PCDHA6: variants seen among roughly 807,000 people sequenced by gnomAD.
PCDHA6 encodes the protein protocadherin alpha-6.
A neutral mutation model predicts 60.3 loss-of-function variants in PCDHA6; 55 were observed. The ratio of observed to expected loss-of-function variants is 0.91; its 90% confidence interval spans 0.73 to 1.14. PCDHA6 has a LOEUF of 1.14. Among genes scored for constraint, PCDHA6 ranks in the 50% most tolerant of loss-of-function variants. The pLI, the probability that PCDHA6 is intolerant of heterozygous loss-of-function variation, is 0.00. For synonymous variants in PCDHA6, 652 were observed against 557.9 expected (o/e 1.17, Z -2.38); for missense variants, 1,327 against 1,256.5 (o/e 1.06, Z -0.85).
At chr5:140,890,237 A>G (rs1554184228) in intron 1 of PCDHA6, among the ~76,000 whole-genome samples, 1 of 152,154 alleles carries the variant, frequency 6.6e-6, no homozygotes, top group East Asian at 1.9e-4. Flanking sequence ...TTAAGCATTT[A>G]CCAGTACACT....
intron 1 of PCDHA6, chr5:140,836,329 T>C: frequency 6.2e-7 from 1 of 1,613,654 alleles, no homozygotes; most frequent in Non-Finnish European, 8.5e-7. Context: ...CGCCTTCTGG[T>C]GCTTGTGAAG....
intron 3 of PCDHA6, among the ~76,000 whole-genome samples, chr5:140,999,595 C>T (rs1232390404): frequency 1.3e-5 from 2 of 152,148 alleles, no homozygotes; most frequent in East Asian, 3.9e-4. Flanking sequence ...GCCTTCCCTA[C>T]ATCCTGGGGG....
rs2150227697 is a variant in PCDHA6 at position 140,834,836 on chromosome 5, G to C, written c.2394+4351G>C. The C allele has an allele frequency of 8.1e-6, 13 of 1,611,678 alleles. No individual in the cohort carries two copies. In the African/African-American group the frequency reaches 9.4e-5, roughly 12 times the overall value. Reference sequence around the variant, plus strand: ...CGGAATCCAGGCCGCTTGACTCTCGGTTTCCACTAGAGGGCGCGTCCGATG... The same window carrying C: ...CGGAATCCAGGCCGCTTGACTCTCGCTTTCCACTAGAGGGCGCGTCCGATG... On this transcript the variant is annotated intron_variant, in intron 1 of 3. Coordinates refer to ENST00000529310, the MANE Select transcript of PCDHA6 (RefSeq NM_018909.4).
At chr5:140,895,206 AT>A (rs2064913908) in intron 1 of PCDHA6, among the ~76,000 whole-genome samples, 1 of 151,808 alleles carries the variant, frequency 6.6e-6, no homozygotes, top group Non-Finnish European at 1.5e-5. Flanking sequence ...ATTTGCTTTT[AT>A]TTCTAATATT....
intron 1 of PCDHA6, chr5:140,870,475 G>A (rs1554164304): frequency 1.2e-6 from 2 of 1,614,096 alleles, no homozygotes; most frequent in Admixed American, 1.7e-5. Context: ...CGCACAGCCC[G>A]AGTACACCGT....
intron 1 of PCDHA6, among the ~76,000 whole-genome samples, chr5:140,947,713 T>G (rs1252298380): frequency 6.6e-6 from 1 of 151,618 alleles, no homozygotes; most frequent in African/African-American, 2.4e-5. Flanking sequence ...AGTATTGAGG[T>G]TTCAAAAGTT....
chr5:141,006,448 C>T lies in PCDHA6; in HGVS notation c.2543-3179C>T, dbSNP rs968765348. ...CAGGATGGTCTCAATCTCCTGACCT[C>T]GAGATCTGCCTGTCTCGGCCTCCCA... On this transcript the variant is annotated intron_variant, in intron 3 of 3. Coordinates refer to ENST00000529310, the MANE Select transcript of PCDHA6 (RefSeq NM_018909.4). Among the ~76,000 whole-genome samples, 4 of 152,122 alleles carry T rather than the reference C, an allele frequency of 2.6e-5. No homozygotes were observed. In the East Asian group the frequency reaches 7.7e-4, roughly 29 times the overall value.
At chr5:140,983,470 A>G (rs782117929) in intron 3 of PCDHA6, among the ~76,000 whole-genome samples, 16 of 152,224 alleles carry the variant, frequency 1.1e-4, no homozygotes, top group Non-Finnish European at 1.5e-4. Context: ...CATCATGATG[A>G]TAATAGTAGT....
intron 1 of PCDHA6, among the ~76,000 whole-genome samples, chr5:140,910,225 T>C (rs1194368347): frequency 6.6e-6 from 1 of 152,232 alleles, no homozygotes; most frequent in Non-Finnish European, 1.5e-5. Flanking sequence ...TTTCTGCTTA[T>C]ATAAATTAAA....
chr5:140,833,597 T>C (rs1466793693), intron 1 of PCDHA6, among the ~76,000 whole-genome samples: 1 of 152,196 alleles, frequency 6.6e-6, no homozygotes, highest in Non-Finnish European at 1.5e-5. Flanking sequence ...ATATATAGAT[T>C]CTGCTAAAGC....
chr5:140,928,622 G>C, intron 1 of PCDHA6: 1 of 1,614,226 alleles, frequency 6.2e-7, no homozygotes, highest in South Asian at 1.1e-5. Flanking sequence ...GCCAGGACTG[G>C]ACACTTGGTC....
chr5:140,926,641 C>A, intron 1 of PCDHA6: 1 of 460,388 alleles, frequency 2.2e-6, no homozygotes, highest in Non-Finnish European at 3.6e-6. Flanking sequence ...TCCTCAACAC[C>A]CGGCCGGCTC....
rs150949805 is a variant in PCDHA6, at chr5:141,009,832, C to T, written c.2748C>T (p.Phe916=). The stretch of plus-strand genomic sequence containing the variant: ...TTGACAAAAGTGACTTCATAACCTT[C>T]GGCAAAAAGGAGGAGACCAAGAAAA... ...SQIDKSDFIT[F]GKKEETKKKK... The change falls in exon 4 of 4, where the codon TTC becomes TTT. Residue 916 remains phenylalanine (F), a synonymous_variant. Coordinates refer to ENST00000529310, the MANE Select transcript of PCDHA6 (RefSeq NM_018909.4). The T allele has an allele frequency of 7.1e-5, 114 of 1,613,408 alleles. No individual in the cohort carries two copies. The highest frequency in any genetic ancestry group is 9.2e-5 in the Non-Finnish European group (109 of 1,179,918).
Position 140,829,043 on chromosome 5 carries a change from A to G in PCDHA6, c.952A>G (p.Ile318Val), listed in dbSNP as rs2150162079. The change falls in exon 1 of 4, where the codon ATC (isoleucine) becomes GTC (valine). Residue 318 changes from isoleucine (I) to valine (V), a missense_variant. Transcript: ENST00000529310. ...LDFEQENLYK[I>V]LIDATDKGHP... ...TTTTGAACAAGAAAACTTATACAAA[A>G]TCCTCATTGACGCCACGGACAAAGG... 5 of 1,613,038 alleles carry G rather than the reference A, an allele frequency of 3.1e-6. No homozygotes were observed. In the African/African-American group the frequency reaches 6.7e-5, roughly 22 times the overall value.
chr5:140,843,109 A>C (rs2150352812), intron 1 of PCDHA6: 9 of 1,595,800 alleles, frequency 5.6e-6, no homozygotes, highest in Non-Finnish European at 6.9e-6. Flanking sequence ...AGGTGCGCGC[A>C]GTGGACGCCG....
intron 1 of PCDHA6, among the ~76,000 whole-genome samples, chr5:140,975,638 C>T (rs1256768090): frequency 6.6e-6 from 1 of 152,130 alleles, no homozygotes; most frequent in Non-Finnish European, 1.5e-5. Context: ...ACGAAGATAG[C>T]ATATTATTTC....
chr5:140,910,175 T>C (rs1296033470), intron 1 of PCDHA6, among the ~76,000 whole-genome samples: 1 of 152,240 alleles, frequency 6.6e-6, no homozygotes. Flanking sequence ...CCTCTGTTTT[T>C]ATAATTCAAA....
At chr5:140,979,169 A>T (rs2096837685) in intron 2 of PCDHA6, 162 bp downstream of exon 2, 1 of 966,312 alleles carries the variant, frequency 1.0e-6, no homozygotes, top group Admixed American at 6.2e-5. Context: ...TCCTTGAAAG[A>T]TCGCAAATGG....
At chr5:140,843,169 C>T in intron 1 of PCDHA6, 1 of 1,596,092 alleles carries the variant, frequency 6.3e-7, no homozygotes, top group Non-Finnish European at 8.6e-7. Flanking sequence ...CAGCTGCAAG[C>T]AGCCCTCGCA....
Sources: allele counts gnomAD v4.1 joint callset (sites outside exome capture counted in the v4.1 genomes callset), GRCh38; gene constraint gnomAD v4.1.1; transcripts MANE v1.5; gene names NCBI Gene and HGNC (gene_info 2026-07-23, HGNC 2026-07-21).